Variants in ABLIM1 observed in about 807,000 individuals in gnomAD.
ABLIM1 encodes actin-binding LIM protein 1.
ABLIM1 carries 40 observed loss-of-function variants against 107.0 expected under a neutral mutation model. The observed-to-expected ratio is 0.37, with a 90% CI of 0.29 to 0.49. The LOEUF is 0.49. ABLIM1 is among the 20% of genes least tolerant of loss of function. ABLIM1 has a pLI of 0.97. For synonymous variants in ABLIM1, 357 were observed against 357.3 expected (o/e 1.00, Z 0.01); for missense variants, 857 against 1,008.5 (o/e 0.85, Z 2.04).
intron 6 of ABLIM1, among the ~76,000 whole-genome samples, chr10:114,499,306 T>A (rs905987653): frequency 2.6e-5 from 4 of 152,268 alleles, no homozygotes; most frequent in Non-Finnish European, 4.4e-5. Context: ...TGAAGTCACT[T>A]CCATAGAGGA....
chr10:114,489,944 T>G (rs1404172645), intron 7 of ABLIM1, among the ~76,000 whole-genome samples: 2 of 152,228 alleles, frequency 1.3e-5, no homozygotes, highest in Non-Finnish European at 2.9e-5. Context: ...ATTTGTGCAC[T>G]GCTTGAAACC....
chr10:114,464,134 G>A (rs1258927165), intron 12 of ABLIM1, among the ~76,000 whole-genome samples: 1 of 151,972 alleles, frequency 6.6e-6, no homozygotes, highest in Non-Finnish European at 1.5e-5. Context: ...CCATGGCTGG[G>A]GTCTCAGTGA....
chr10:114,441,640 G>A (rs1228947992), intron 18 of ABLIM1, 82 bp downstream of exon 18: 5 of 1,286,476 alleles, frequency 3.9e-6, no homozygotes, highest in East Asian at 2.3e-5. Flanking sequence ...AGAGTCAGAC[G>A]TATTCAGGCA....
At chr10:114,642,641 A>G (rs183269466) in intron 1 of ABLIM1, among the ~76,000 whole-genome samples, 69 of 152,346 alleles carry the variant, frequency 4.5e-4, no homozygotes, top group African/African-American at 1.6e-3. Flanking sequence ...TAAATACACA[A>G]GAATACCTCT....
At position 114,547,650 on chromosome 10, in the gene ABLIM1, T is replaced by G; in HGVS notation, c.800A>C (p.Lys267Thr). Residue 267 changes from lysine (K) to threonine (T), a missense_variant and splice_region_variant, in exon 5 of 23, where the codon AAG becomes ACG. This residue lies in a region of ABLIM1 where 381 missense variants were observed against 506.9 expected (regional missense o/e 0.75). Transcript: ENST00000533213. The stretch of plus-strand genomic sequence containing the variant: ...AACGCGTGCCCGCGCCCAGCCTTAC[T>G]TGCTGATGTACTCCCCGGTGAGGAC... ...GKVLTGEYIS[K>T]DGAPYCEKDY... 1 of 1,613,708 alleles carries G rather than the reference T, an allele frequency of 6.2e-7. No homozygotes were observed. Among genetic ancestry groups the G allele is most frequent in the Non-Finnish European group, 8.5e-7 (1 of 1,179,994 alleles).
chr10:114,587,131 A>G (rs545037139), intron 2 of ABLIM1, among the ~76,000 whole-genome samples: 25 of 152,350 alleles, frequency 1.6e-4, no homozygotes, highest in African/African-American at 5.8e-4. Flanking sequence ...CAAGCTTTTC[A>G]TAGAACACAA....
chr10:114,624,896 A>G (rs2077690987), intron 1 of ABLIM1, among the ~76,000 whole-genome samples: 1 of 152,098 alleles, frequency 6.6e-6, no homozygotes, highest in Non-Finnish European at 1.5e-5. Context: ...TCATTTATAA[A>G]ATAGTACAAG....
chr10:114,713,169 T>A (rs1214415869), intron 1 of ABLIM1, among the ~76,000 whole-genome samples: 1 of 152,190 alleles, frequency 6.6e-6, no homozygotes, highest in Non-Finnish European at 1.5e-5. Context: ...AAAGAGACAT[T>A]ATCCTGGTAT....
chr10:114,781,016 G>A, the ABLIM1 span, among the ~76,000 whole-genome samples: 39 of 152,304 alleles, frequency 2.6e-4, no homozygotes, highest in South Asian at 7.7e-3. Context: ...GGTCACTCTG[G>A]TAGCCCCGTG....
At chr10:114,706,516 A>G (rs1240045117) in intron 1 of ABLIM1, among the ~76,000 whole-genome samples, 4 of 152,242 alleles carry the variant, frequency 2.6e-5, no homozygotes, top group African/African-American at 9.6e-5. Flanking sequence ...AAGCACAAAC[A>G]ATAAACAACT....
At chr10:114,555,458 A>G (rs947495156) in intron 4 of ABLIM1, among the ~76,000 whole-genome samples, 1 of 152,206 alleles carries the variant, frequency 6.6e-6, no homozygotes, top group African/African-American at 2.4e-5. Context: ...TGCTTACAGG[A>G]CTGCTCTCAC....
intron 1 of ABLIM1, among the ~76,000 whole-genome samples, chr10:114,672,225 G>C (rs950947507): frequency 6.6e-6 from 1 of 151,422 alleles, no homozygotes; most frequent in African/African-American, 2.4e-5. Flanking sequence ...TTTTTAGATG[G>C]AGTCTCACTC....
At chr10:114,723,342 G>C (rs1014072570) in intron 1 of ABLIM1, among the ~76,000 whole-genome samples, 12 of 152,176 alleles carry the variant, frequency 7.9e-5, no homozygotes, top group African/African-American at 2.9e-4. Context: ...GGTTATCTGA[G>C]AGAGGAATCT....
rs571495566 is a variant in ABLIM1 at position 114,656,982 on chromosome 10, A to G, written c.244+975T>C. ...GGGTACAGGGTTTCTTTTTGAGGCA[A>G]TGAAAATATATATGTAACATATCAG... On this transcript the variant is annotated intron_variant, in intron 1 of 22. Transcript: ENST00000533213. Among the ~76,000 whole-genome samples, 3 of 152,330 alleles carry G rather than the reference A, an allele frequency of 2.0e-5. No homozygotes were observed. The South Asian group carries it at 6.2e-4, about 32-fold the overall frequency.
chr10:114,625,903 T>C (rs888649328), intron 1 of ABLIM1, among the ~76,000 whole-genome samples: 3 of 152,220 alleles, frequency 2.0e-5, no homozygotes, highest in Admixed American at 1.3e-4. Context: ...GGTTCGAAGA[T>C]TAAAGACATT....
chr10:114,513,805 C>A (rs2062322959), intron 6 of ABLIM1, among the ~76,000 whole-genome samples: 1 of 152,210 alleles, frequency 6.6e-6, no homozygotes, highest in African/African-American at 2.4e-5. Context: ...ACCAAGAAAT[C>A]TATCTTTTGC....
intron 14 of ABLIM1, among the ~76,000 whole-genome samples, chr10:114,450,628 GA>G (rs112940158): frequency 0.2 from 30,438 of 151,516 alleles, 3,559 homozygotes; most frequent in African/African-American, 0.33. Flanking sequence ...TAATAGAGGA[GA>G]CAGGGTTTCG....
In ABLIM1 at chr10:114,699,425, T is replaced by TA. The variant is rs1236685102; in HGVS notation, c.-213+68635dup. On this transcript the variant is annotated intron_variant, in intron 1 of 15. Coordinates refer to the ABLIM1 transcript ENST00000651092. ...TTCAGCTCTAAAAATCAACTTATAA[T>TA]AAAAAAGAAAGCATAAAAGTTAGAT... 2.7e-4 allele frequency among the ~76,000 whole-genome samples: 41 copies of TA among 152,048 alleles called. No homozygotes were observed. The East Asian group carries it at 7.2e-3, about 27-fold the overall frequency.
At chr10:114,621,738 T>C (rs528439176) in intron 1 of ABLIM1, among the ~76,000 whole-genome samples, 17 of 152,330 alleles carry the variant, frequency 1.1e-4, no homozygotes, top group African/African-American at 2.9e-4. Flanking sequence ...TGCTAACCCA[T>C]TCATCCACTA....
Sources: allele counts gnomAD v4.1 joint callset (sites outside exome capture counted in the v4.1 genomes callset), GRCh38; gene constraint gnomAD v4.1.1; regional missense constraint gnomAD v4.1.1; transcripts MANE v1.5; gene names NCBI Gene and HGNC (gene_info 2026-07-23, HGNC 2026-07-21).